The following GRB10 variants were observed in gnomAD, a reference collection of about 807,000 sequenced individuals.
GRB10 encodes growth factor receptor bound protein 10, also known as growth factor receptor-bound protein 10.
GRB10 carries 20 observed loss-of-function variants against 80.9 expected under a neutral mutation model. The observed-to-expected ratio is 0.25, with a 90% confidence interval of 0.17 to 0.36. The LOEUF is 0.36. Among genes scored for constraint, GRB10 ranks in the 10% least tolerant of loss-of-function variants. The pLI is 1.00. For synonymous variants in GRB10, 291 were observed against 291.5 expected (o/e 1.00, Z 0.02); for missense variants, 548 against 747.7 (o/e 0.73, Z 3.12).
chr7:50,633,566 C>T (rs2054395506), intron 7 of GRB10, among the ~76,000 whole-genome samples: 1 of 152,078 alleles, frequency 6.6e-6, no homozygotes, highest in Non-Finnish European at 1.5e-5. Context: ...ACAATGAAAA[C>T]TTTGAAATGA....
intron 4 of GRB10, among the ~76,000 whole-genome samples, chr7:50,722,048 G>C (rs2067837760): frequency 6.6e-6 from 1 of 152,190 alleles, no homozygotes; most frequent in Admixed American, 6.5e-5. Flanking sequence ...GACAGGCTGA[G>C]GAGGCTGGCC....
intron 18 of GRB10, among the ~76,000 whole-genome samples, chr7:50,594,741 G>GA (rs2046342281): frequency 2.0e-5 from 3 of 152,154 alleles, no homozygotes; most frequent in African/African-American, 7.2e-5. Flanking sequence ...ATTGAACTGT[G>GA]GCATACTGAA....
upstream of GRB10, among the ~76,000 whole-genome samples, chr7:50,785,276 T>C (rs2153715275): frequency 6.6e-6 from 1 of 152,304 alleles, no homozygotes; most frequent in South Asian, 2.1e-4. Flanking sequence ...CTTTTGAAAG[T>C]GGGAAGACCC....
chr7:50,677,042 T>C lies in GRB10; in HGVS notation c.140-2384A>G, dbSNP rs372526970. ...GGAGCATCAGGCTGGAAGAGGAAGG[T>C]TGCCTTAGAAAAACAGGGGTCAGAT... On this transcript the variant is annotated intron_variant, in intron 5 of 18. Coordinates refer to ENST00000401949, the MANE Select transcript of GRB10 (RefSeq NM_001350814.2). 5.9e-5 allele frequency among the ~76,000 whole-genome samples: 9 copies of C among 151,920 alleles called. No individual in the cohort carries two copies. In the East Asian group the frequency reaches 7.8e-4, roughly 13 times the overall value.
intron 3 of GRB10, among the ~76,000 whole-genome samples, chr7:50,745,913 G>A (rs1267192543): frequency 1.3e-5 from 2 of 152,168 alleles, no homozygotes; most frequent in African/African-American, 4.8e-5. Context: ...GCTAAATTAG[G>A]AAATACTGAA....
At chr7:50,649,560 T>C (rs549414692) in intron 7 of GRB10, among the ~76,000 whole-genome samples, 1 of 152,220 alleles carries the variant, frequency 6.6e-6, no homozygotes, top group Admixed American at 6.5e-5. Context: ...GAGCTTGGAT[T>C]TAATTCTGGG....
chr7:50,612,324 A>G (rs557579885), intron 13 of GRB10, among the ~76,000 whole-genome samples: 1 of 152,212 alleles, frequency 6.6e-6, no homozygotes, highest in East Asian at 1.9e-4. Context: ...ACCAGGGGCA[A>G]TTCCCCATCC....
chr7:50,593,985 T>C (rs2046207022), intron 18 of GRB10, among the ~76,000 whole-genome samples: 1 of 151,986 alleles, frequency 6.6e-6, no homozygotes, highest in African/African-American at 2.4e-5. Context: ...TTTCTTTCTT[T>C]TTTTTTTTTA....
At chr7:50,615,582 T>C (rs1252177541) in intron 11 of GRB10, among the ~76,000 whole-genome samples, 1 of 152,190 alleles carries the variant, frequency 6.6e-6, no homozygotes, top group Non-Finnish European at 1.5e-5. Context: ...CTTTCACCTC[T>C]GCTGGCCAGA....
intron 3 of GRB10, among the ~76,000 whole-genome samples, chr7:50,742,569 G>C (rs1360362495): frequency 6.6e-6 from 1 of 152,136 alleles, no homozygotes; most frequent in African/African-American, 2.4e-5. Flanking sequence ...CTCAGTGGAG[G>C]GGGTGTGGTC....
rs2078435567 is a variant in GRB10 at position 50,782,726 on chromosome 7, C to T, written c.-629G>A. On this transcript the variant is annotated 5_prime_UTR_variant, in exon 1 of 19. Transcript: ENST00000401949. This position sits in a 1 kb window ranked among gnomAD's most constrained non-coding sequence, Gnocchi z 6.6. ...GCGAGGGTGGGATGCCGCGCCACCG[C>T]CCGAGCGTGCCCGGGGGCTCCCAGC... is the stretch of plus-strand genomic sequence containing the variant. The T allele has an allele frequency of 6.6e-6, 1 of 152,060 alleles. No homozygotes were observed. Among genetic ancestry groups the T allele is most frequent in the Non-Finnish European group, 1.5e-5 (1 of 67,994 alleles). 9.4% of individuals were successfully genotyped at this position (152,060 alleles called of 1,614,324 possible).
intron 5 of GRB10, among the ~76,000 whole-genome samples, chr7:50,692,118 C>T (rs544654671): frequency 6.6e-6 from 1 of 152,302 alleles, no homozygotes; most frequent in South Asian, 2.1e-4. Flanking sequence ...ACTATTTCCA[C>T]AGCATTTACA....
chr7:50,756,549 T>C (rs940009855), intron 2 of GRB10, among the ~76,000 whole-genome samples: 2 of 152,224 alleles, frequency 1.3e-5, no homozygotes, highest in African/African-American at 4.8e-5. Context: ...ATGGAGCACA[T>C]GTGTTCCACG....
At chr7:50,668,742 C>T (rs1040310755) in intron 7 of GRB10, among the ~76,000 whole-genome samples, 2 of 152,232 alleles carry the variant, frequency 1.3e-5, no homozygotes, top group Non-Finnish European at 2.9e-5. Context: ...AGGCTGCAGC[C>T]CATCCTGGCT....
At chr7:50,791,226 C>A (rs1223226343) in intron 1 of GRB10, among the ~76,000 whole-genome samples, 1 of 152,098 alleles carries the variant, frequency 6.6e-6, no homozygotes, top group Non-Finnish European at 1.5e-5. Context: ...TCATGGATAT[C>A]AAAATTCCTT....
intron 7 of GRB10, among the ~76,000 whole-genome samples, chr7:50,658,700 AATTCAGAGGTTT>A (rs1340396064): frequency 6.6e-6 from 1 of 152,190 alleles, no homozygotes; most frequent in Non-Finnish European, 1.5e-5. Flanking sequence ...AGGCCCCTCA[AATTCAGAGGTTT>A]ATATTTTAAA....
In GRB10 at chr7:50,607,194, G is replaced by A. The variant is rs191681899; in HGVS notation, c.1195-780C>T. The A allele has an allele frequency of 8.5e-5, 13 of 152,538 alleles. No individual in the cohort carries two copies. In the East Asian group the frequency reaches 2.5e-3, roughly 29 times the overall value. The allele number at this position is 152,538 out of a possible 1,614,324, so 9.4% of individuals were successfully genotyped here. On this transcript the variant is annotated intron_variant, in intron 13 of 18. Coordinates refer to ENST00000401949, the MANE Select transcript of GRB10 (RefSeq NM_001350814.2). ...AGGAGGTGGCTACAAAATTATGAGA[G>A]TAATACAGCAGGGACTATAGTTAAT...
intron 7 of GRB10, among the ~76,000 whole-genome samples, chr7:50,642,280 A>G (rs1339160373): frequency 6.6e-6 from 1 of 150,408 alleles, no homozygotes; most frequent in South Asian, 2.1e-4. Context: ...TGGAAACTTC[A>G]CACACACACA....
chr7:50,611,630 G>C (rs1478428564), intron 13 of GRB10, among the ~76,000 whole-genome samples: 2 of 152,182 alleles, frequency 1.3e-5, no homozygotes, highest in Admixed American at 1.3e-4. Context: ...GGAATCTGTG[G>C]ATTACTGGGT....
Sources: allele counts gnomAD v4.1 joint callset (sites outside exome capture counted in the v4.1 genomes callset), GRCh38; gene constraint gnomAD v4.1.1; non-coding constraint Gnocchi (gnomAD v3.1); transcripts MANE v1.5; gene names NCBI Gene and HGNC (gene_info 2026-07-23, HGNC 2026-07-21).